Variants in PDSS2 observed in about 807,000 individuals in gnomAD.
PDSS2 encodes the protein decaprenyl diphosphate synthase subunit 2.
A neutral mutation model predicts 44.5 loss-of-function variants in PDSS2; 31 were observed. The observed-to-expected ratio is 0.70, with a 90% CI of 0.52 to 0.94. PDSS2 has a LOEUF of 0.94. Ranked by LOEUF, PDSS2 falls within the 40% of genes least tolerant of loss-of-function variation. The pLI, the probability that PDSS2 is intolerant of heterozygous loss-of-function variation, is 0.00. For synonymous variants in PDSS2, 157 were observed against 180.3 expected (o/e 0.87, Z 1.03); for missense variants, 452 against 482.2 (o/e 0.94, Z 0.59).
intron 2 of PDSS2, among the ~76,000 whole-genome samples, chr6:107,328,288 A>C (rs1237145389): frequency 6.6e-6 from 1 of 152,234 alleles, no homozygotes; most frequent in Admixed American, 6.5e-5. Context: ...CTGGGGTCAC[A>C]CAGCTAGTAA....
intron 2 of PDSS2, among the ~76,000 whole-genome samples, chr6:107,290,340 G>A (rs1268986654): frequency 6.6e-6 from 1 of 152,190 alleles, no homozygotes; most frequent in Non-Finnish European, 1.5e-5. Flanking sequence ...ATAAATGAAA[G>A]ATACTTTTTA....
At chr6:107,285,183 T>A (rs913121417) in intron 2 of PDSS2, among the ~76,000 whole-genome samples, 2 of 152,210 alleles carry the variant, frequency 1.3e-5, no homozygotes, top group Non-Finnish European at 2.9e-5. Flanking sequence ...CCATTTAAAG[T>A]CATTTTACTT....
intron 4 of PDSS2, among the ~76,000 whole-genome samples, chr6:107,223,192 G>A (rs1415579611): frequency 1.3e-5 from 2 of 150,790 alleles, no homozygotes; most frequent in Non-Finnish European, 2.9e-5. Context: ...GCCTCCCAAA[G>A]TGCTAGGATT....
At chr6:107,209,217 G>T (rs1205309065) in intron 6 of PDSS2, among the ~76,000 whole-genome samples, 1 of 151,894 alleles carries the variant, frequency 6.6e-6, no homozygotes, top group African/African-American at 2.4e-5. Flanking sequence ...TTGCTGTTTC[G>T]TGGAAGCAGC....
intron 2 of PDSS2, among the ~76,000 whole-genome samples, chr6:107,302,006 T>C (rs1776712807): frequency 6.6e-6 from 1 of 151,754 alleles, no homozygotes; most frequent in African/African-American, 2.4e-5. Context: ...AATAAAAAAG[T>C]TCTAAAATTA....
chr6:107,298,212 T>C (rs1271135308), intron 2 of PDSS2, among the ~76,000 whole-genome samples: 2 of 152,192 alleles, frequency 1.3e-5, no homozygotes, highest in Non-Finnish European at 2.9e-5. Flanking sequence ...AGGTAAGGAA[T>C]GAAAAGAAAC....
chr6:107,370,379 C>T (rs1055999176), intron 1 of PDSS2, among the ~76,000 whole-genome samples: 2 of 152,078 alleles, frequency 1.3e-5, no homozygotes, highest in African/African-American at 4.8e-5. Context: ...AAAGTGATCC[C>T]AATTTGAAGA....
At chr6:107,368,018 C>T (rs1582998936) in intron 1 of PDSS2, among the ~76,000 whole-genome samples, 1 of 152,112 alleles carries the variant, frequency 6.6e-6, no homozygotes, top group South Asian at 2.1e-4. Context: ...CGCCCGTAAT[C>T]CCAGCACTTT....
At chr6:107,431,067 C>A (rs1185957468) in intron 1 of PDSS2, among the ~76,000 whole-genome samples, 1 of 152,172 alleles carries the variant, frequency 6.6e-6, no homozygotes, top group African/African-American at 2.4e-5. Context: ...GTGAGCCTCA[C>A]AACAAGATAG....
chr6:107,274,442 A>G (rs1185408930), intron 2 of PDSS2, among the ~76,000 whole-genome samples: 1 of 151,600 alleles, frequency 6.6e-6, no homozygotes, highest in Non-Finnish European at 1.5e-5. Context: ...AATACTCCTC[A>G]CTCTTCCCCA....
intron 7 of PDSS2, among the ~76,000 whole-genome samples, chr6:107,164,156 T>C (rs568433806): frequency 1.1e-4 from 13 of 114,618 alleles, no homozygotes; most frequent in African/African-American, 4.6e-4. Flanking sequence ...TTTGGGTTTA[T>C]ACTTAAAAAA....
At chr6:107,384,639 C>G (rs1583019472) in intron 1 of PDSS2, among the ~76,000 whole-genome samples, 4 of 148,942 alleles carry the variant, frequency 2.7e-5, no homozygotes, top group Middle Eastern at 3.4e-3. Flanking sequence ...GAGACTCTGT[C>G]TCAAAACCAA....
intron 7 of PDSS2, among the ~76,000 whole-genome samples, chr6:107,157,233 G>A (rs530745206): frequency 6.6e-6 from 1 of 152,124 alleles, no homozygotes; most frequent in South Asian, 2.1e-4. Flanking sequence ...CACCCAGGCT[G>A]GAGCGCAGTG....
At chr6:107,356,195 T>C (rs1355283540) in intron 1 of PDSS2, among the ~76,000 whole-genome samples, 1 of 152,224 alleles carries the variant, frequency 6.6e-6, no homozygotes, top group Non-Finnish European at 1.5e-5. Context: ...GAAAGACTTG[T>C]GAACAGTGAA....
intron 1 of PDSS2, among the ~76,000 whole-genome samples, chr6:107,390,050 T>C (rs554314900): frequency 1.3e-5 from 2 of 152,212 alleles, no homozygotes; most frequent in African/African-American, 4.8e-5. Flanking sequence ...TATAAATAAA[T>C]ATCCCTGAGT....
chr6:107,440,759 G>T (rs1781490362), intron 1 of PDSS2, among the ~76,000 whole-genome samples: 1 of 152,202 alleles, frequency 6.6e-6, no homozygotes, highest in Non-Finnish European at 1.5e-5. Context: ...GAGAGTATCT[G>T]AATACTGTAT....
chr6:107,266,355 A>C (rs1268485176), intron 3 of PDSS2, among the ~76,000 whole-genome samples: 1 of 151,764 alleles, frequency 6.6e-6, no homozygotes, highest in African/African-American at 2.4e-5. Flanking sequence ...ATGGTTCTTA[A>C]GGTCTTTCAC....
chr6:107,286,659 T>C (rs959197873), intron 2 of PDSS2, among the ~76,000 whole-genome samples: 1 of 152,082 alleles, frequency 6.6e-6, no homozygotes, highest in South Asian at 2.1e-4. Context: ...AAAGAAACAA[T>C]AGCAACATGG....
rs560497728 is a variant in PDSS2, at chr6:107,342,904, A to T, written c.297-8572T>A. Among the ~76,000 whole-genome samples the T allele has an allele frequency of 1.3e-4, 20 of 152,370 alleles. No individual in the cohort carries two copies. In the East Asian group the frequency reaches 3.7e-3, roughly 28 times the overall value. On this transcript the variant is annotated intron_variant, in intron 1 of 7. Coordinates refer to ENST00000369037, the MANE Select transcript of PDSS2 (RefSeq NM_020381.4). Reference sequence around the variant, plus strand: ...CCAAAGTAAAACTGAGTGGGAAAGAATCACCTTGAGGGCAAGGAACCCCTT... The same window carrying T: ...CCAAAGTAAAACTGAGTGGGAAAGATTCACCTTGAGGGCAAGGAACCCCTT...
Sources: allele counts gnomAD v4.1 joint callset (sites outside exome capture counted in the v4.1 genomes callset), GRCh38; gene constraint gnomAD v4.1.1; transcripts MANE v1.5; gene names NCBI Gene and HGNC (gene_info 2026-07-23, HGNC 2026-07-21).